RAPGEF2: variants seen among roughly 807,000 people sequenced by gnomAD.
RAPGEF2 encodes the protein PDZ domain containing guanine nucleotide exchange factor (GEF) 1.
RAPGEF2 carries 54 observed loss-of-function variants against 186.7 expected under a neutral mutation model. That is an observed-to-expected ratio of 0.29 (90% CI 0.23 to 0.36). The LOEUF is 0.36. Among genes scored for constraint, RAPGEF2 ranks in the 10% least tolerant of loss-of-function variants. The pLI, the probability that RAPGEF2 is intolerant of heterozygous loss-of-function variation, is 1.00. For missense variants in RAPGEF2, 1,532 were observed against 2,045.0 expected, an observed-to-expected ratio of 0.75 and a Z score of 4.84; for synonymous variants, 712 against 705.9, an observed-to-expected ratio of 1.01 and a Z score of -0.14.
chr4:159,230,300 T>C (rs953558611), intron 4 of RAPGEF2, among the ~76,000 whole-genome samples: 1 of 152,230 alleles, frequency 6.6e-6, no homozygotes, highest in South Asian at 2.1e-4. Context: ...TTGATAACTG[T>C]TAACCTACAT....
intron 7 of RAPGEF2, among the ~76,000 whole-genome samples, chr4:159,304,012 T>C (rs1762985071): frequency 6.6e-6 from 1 of 152,188 alleles, no homozygotes; most frequent in Non-Finnish European, 1.5e-5. Flanking sequence ...GGCTAATAAA[T>C]AGTACTGTAG....
intron 7 of RAPGEF2, among the ~76,000 whole-genome samples, chr4:159,290,676 G>T (rs1761080452): frequency 6.6e-6 from 1 of 151,874 alleles, no homozygotes; most frequent in Admixed American, 6.6e-5. Context: ...AAGTGAGGGG[G>T]TCTCTTTTAG....
chr4:159,332,644 G>C lies in RAPGEF2; in HGVS notation c.2082G>C (p.Leu694=), dbSNP rs752532210. 1 of 1,614,126 alleles carries C rather than the reference G, an allele frequency of 6.2e-7. No homozygotes were observed. The highest frequency in any genetic ancestry group is 1.1e-5 in the South Asian group (1 of 91,084). ...KANTVGGRNK[L]KKILDKTRIS... ...ACACTGTGGGAGGAAGGAACAAGCT[G>C]AAAAAGATACTCGACAAGACTCGGA... Residue 694 remains leucine, a synonymous_variant, in exon 17 of 30, where the codon CTG becomes CTC. Transcript: ENST00000691494.
chr4:159,261,802 T>C (rs1467390545), intron 7 of RAPGEF2, among the ~76,000 whole-genome samples: 2 of 152,228 alleles, frequency 1.3e-5, no homozygotes, highest in Non-Finnish European at 2.9e-5. Context: ...AGCTTTTGGC[T>C]TGCTCTGTTT....
rs535626249 is a variant in RAPGEF2 at position 159,314,555 on chromosome 4, T to C, written c.676-36T>C. On this transcript the variant is annotated intron_variant, in intron 8 of 29. Transcript: ENST00000691494. Reference sequence around the variant, plus strand: ...TTTGGGCCCCAAAGATTTATTTACTTAAAATAGTTTTTAATTTTTGTGTGT... The same window carrying C: ...TTTGGGCCCCAAAGATTTATTTACTCAAAATAGTTTTTAATTTTTGTGTGT... 1.2e-4 allele frequency: 189 copies of C among 1,556,876 alleles called. 1 individual carries two copies. The South Asian group carries it at 2.2e-3, about 18-fold the overall frequency.
intron 17 of RAPGEF2, among the ~76,000 whole-genome samples, chr4:159,334,692 A>G (rs946136938): frequency 1.3e-5 from 2 of 152,232 alleles, no homozygotes; most frequent in Non-Finnish European, 1.5e-5. Flanking sequence ...GAACTGGGAG[A>G]TAATCCATCA....
chr4:159,353,533 A>G lies in RAPGEF2; in HGVS notation c.4138A>G (p.Thr1380Ala). ...SEGRGLYATA[T>A]VISSPSTEEL... The stretch of plus-strand genomic sequence containing the variant: ...GGGCCGAGGCTTATATGCTACAGCT[A>G]CAGTAATTTCTTCTCCAAGCACAGA... The change falls in exon 28 of 30, where the codon ACA becomes GCA. Residue 1380 changes from threonine to alanine, a missense_variant. Physicochemically the swap from Thr to Ala is moderately conservative, Grantham distance 58. Transcript: ENST00000691494. This position sits in a 1 kb window ranked among gnomAD's most constrained non-coding sequence, Gnocchi z 4.3. 1 of 1,535,930 alleles carries G rather than the reference A, an allele frequency of 6.5e-7. No homozygotes were observed. Among genetic ancestry groups the G allele is most frequent in the Non-Finnish European group, 8.7e-7 (1 of 1,144,856 alleles).
intron 1 of RAPGEF2, among the ~76,000 whole-genome samples, chr4:159,175,294 TA>T (rs1746345197): frequency 7.3e-6 from 1 of 137,814 alleles, no homozygotes; most frequent in South Asian, 2.6e-4. Flanking sequence ...TCTAAAATAA[TA>T]ATTTTTTTTT....
At position 159,331,492 on chromosome 4, in the gene RAPGEF2, C is replaced by T; in HGVS notation, c.1529C>T (p.Ala510Val). Residue 510 changes from alanine to valine, a missense_variant, in exon 14 of 30, where the codon GCA becomes GTA. This residue lies in a region of RAPGEF2 where 810 missense variants were observed against 1,210.5 expected (regional missense o/e 0.67). Coordinates refer to ENST00000691494, the MANE Select transcript of RAPGEF2 (RefSeq NM_001394067.2). ...TTCAATGACTTTGAAGGAGATCCTG[C>T]AATGACTCGATTTTTAGAAGAATTT... ...NHFNDFEGDP[A>V]MTRFLEEFEN... 1.9e-6 allele frequency: 3 copies of T among 1,613,424 alleles called. No individual in the cohort carries two copies. Among genetic ancestry groups the T allele is most frequent in the Non-Finnish European group, 2.5e-6 (3 of 1,179,558 alleles).
intron 3 of RAPGEF2, among the ~76,000 whole-genome samples, chr4:159,208,745 A>G (rs1750209469): frequency 6.6e-6 from 1 of 152,196 alleles, no homozygotes; most frequent in African/African-American, 2.4e-5. Flanking sequence ...ACTATGTGTG[A>G]TAAAATAACT....
chr4:159,337,292 T>C (rs923217602), intron 17 of RAPGEF2, among the ~76,000 whole-genome samples: 3 of 152,174 alleles, frequency 2.0e-5, no homozygotes, highest in African/African-American at 7.2e-5. Flanking sequence ...TCTGTGTCAG[T>C]CTCCTTACAT....
At chr4:159,251,927 T>G in intron 7 of RAPGEF2, among the ~76,000 whole-genome samples, 1 of 151,936 alleles carries the variant, frequency 6.6e-6, no homozygotes, top group African/African-American at 2.4e-5. Flanking sequence ...GTCTGCCACG[T>G]CTTTAAGAGC....
chr4:159,305,841 T>G (rs936098618), intron 8 of RAPGEF2, among the ~76,000 whole-genome samples: 51 of 152,100 alleles, frequency 3.4e-4, no homozygotes, highest in African/African-American at 1.2e-3. Flanking sequence ...CGATTTTTAT[T>G]TATGCTGAAA....
At chr4:159,236,829 A>T (rs1753318419) in intron 4 of RAPGEF2, among the ~76,000 whole-genome samples, 1 of 152,186 alleles carries the variant, frequency 6.6e-6, no homozygotes, top group Non-Finnish European at 1.5e-5. Flanking sequence ...AATGTGTAAA[A>T]ATTCAGGTCA....
At chr4:159,260,066 C>T (rs542997974) in intron 7 of RAPGEF2, among the ~76,000 whole-genome samples, 19 of 152,156 alleles carry the variant, frequency 1.2e-4, no homozygotes, top group Non-Finnish European at 2.4e-4. Flanking sequence ...GGTGCAGTCA[C>T]GGGTCAATGC....
intron 1 of RAPGEF2, among the ~76,000 whole-genome samples, chr4:159,168,323 T>C (rs1056562411): frequency 6.6e-5 from 10 of 152,198 alleles, no homozygotes; most frequent in African/African-American, 2.4e-4. Context: ...TTCAAAGGAA[T>C]GTATTTCCAG....
intron 7 of RAPGEF2, among the ~76,000 whole-genome samples, chr4:159,293,873 A>G (rs1761566218): frequency 6.6e-6 from 1 of 152,210 alleles, no homozygotes; most frequent in Non-Finnish European, 1.5e-5. Context: ...AAAGGGAAAG[A>G]TCATGGAGGG....
intron 7 of RAPGEF2, among the ~76,000 whole-genome samples, chr4:159,264,135 T>A (rs1712279658): frequency 6.6e-6 from 1 of 152,246 alleles, no homozygotes; most frequent in Admixed American, 6.5e-5. Context: ...TGTTTATATT[T>A]CTTTAGCAGT....
intron 1 of RAPGEF2, among the ~76,000 whole-genome samples, chr4:159,164,022 T>TG (rs1745003445): frequency 6.6e-6 from 1 of 152,068 alleles, no homozygotes; most frequent in Non-Finnish European, 1.5e-5. Flanking sequence ...TTTTTTTTTT[T>TG]GAGACGGAGT....
Sources: allele counts gnomAD v4.1 joint callset (sites outside exome capture counted in the v4.1 genomes callset), GRCh38; gene constraint gnomAD v4.1.1; regional missense constraint gnomAD v4.1.1; non-coding constraint Gnocchi (gnomAD v3.1); transcripts MANE v1.5; gene names NCBI Gene and HGNC (gene_info 2026-07-23, HGNC 2026-07-21).